PCID2: variants seen among roughly 807,000 people sequenced by gnomAD.
The protein encoded by PCID2 is PCI domain-containing protein 2.
Under a neutral mutation model 61.3 loss-of-function variants are expected in PCID2, and 41 were observed. The observed-to-expected ratio is 0.67, with a 90% CI of 0.52 to 0.87. The LOEUF (loss-of-function observed/expected upper bound fraction) is 0.87. PCID2 is among the 40% of genes least tolerant of loss of function. The pLI is 0.00. For missense variants in PCID2, 392 were observed against 493.4 expected (o/e 0.79, Z 1.95); for synonymous variants, 187 against 177.8 (o/e 1.05, Z -0.41).
rs767129015 is a variant in PCID2, at chr13:113,180,162, C to A, written c.856G>T (p.Val286Leu). The A allele has an allele frequency of 1.2e-6, 2 of 1,613,918 alleles. No homozygotes were observed. The highest frequency in any genetic ancestry group is 8.5e-7 in the Non-Finnish European group (1 of 1,179,840). ...LMQFAEVTRA[V>L]SEGNLLLLHE... ...AGGAAGGATGGCATACTCTACCTCA[C>A]AGCTCTGGTTACTTCCGCAAACTGC... The change falls in exon 11 of 14, where the codon GTG (valine) becomes TTG (leucine). Residue 286 changes from valine to leucine, a missense_variant. Coordinates refer to ENST00000337344, the MANE Select transcript of PCID2 (RefSeq NM_001127202.4).
In PCID2 at chr13:113,180,105, C is replaced by A; in HGVS notation, c.860+53G>T. 1.9e-6 allele frequency: 3 copies of A among 1,613,714 alleles called. No homozygotes were observed. In the South Asian group the frequency reaches 3.3e-5, roughly 18 times the overall value. ...TTCTCACAGAGCGTGCACGTCAACT[C>A]TCATCAGGCTTGCATTTTTAAAACC... is the stretch of plus-strand genomic sequence containing the variant. On this transcript the variant is annotated intron_variant, in intron 11 of 13. Transcript: ENST00000337344.
At chr13:113,177,449 T>C (rs890335957), downstream of PCID2, 1 of 152,228 alleles carries the variant, frequency 6.6e-6, no homozygotes, top group Non-Finnish European at 1.5e-5. Context: ...TACACTTTAT[T>C]ATAAAATAAA....
chr13:113,179,065 C>T lies in PCID2; in HGVS notation c.1011G>A (p.Gln337=), dbSNP rs773183632. The change falls in exon 13 of 14, where the codon CAG becomes CAA. Residue 337 remains glutamine, a synonymous_variant. Transcript: ENST00000337344. The surrounding 1 kb of genome is among the most constrained non-coding windows in gnomAD (Gnocchi z 4.3). ...KKVYLLLKTH[Q]LSLDAFLVAL... is the part of the protein sequence containing the mutation. ...CAACCAGAAAAGCATCCAGAGACAGCTGGTGTGTTTTCAGTAACAAATACC... is the reference window on the plus strand; with the variant it reads ...CAACCAGAAAAGCATCCAGAGACAGTTGGTGTGTTTTCAGTAACAAATACC... 2.5e-6 allele frequency: 4 copies of T among 1,613,832 alleles called. No homozygotes were observed. Among genetic ancestry groups the T allele is most frequent in the Non-Finnish European group, 3.4e-6 (4 of 1,179,796 alleles).
chr13:113,207,243 A>G (rs1014152650), intron 1 of PCID2, among the ~76,000 whole-genome samples: 1 of 152,258 alleles, frequency 6.6e-6, no homozygotes, highest in Admixed American at 6.5e-5. Flanking sequence ...TAAGCTCATC[A>G]ATGAAATATG....
At position 113,190,869 on chromosome 13, in the gene PCID2, C is replaced by T; in HGVS notation, c.467+3G>A. The T allele has an allele frequency of 6.3e-7, 1 of 1,597,484 alleles. No homozygotes were observed. Among genetic ancestry groups the T allele is most frequent in the East Asian group, 2.2e-5 (1 of 44,484 alleles). ...GGTGGTCGGTCCTCAAGTCCTTACT[C>T]ACGTGTCGCTGGCACAGACCCGGAA... On this transcript the variant is annotated splice_donor_region_variant and intron_variant, in intron 7 of 13. Transcript: ENST00000337344.
At chr13:113,208,530 G>A (rs1595312111) in intron 1 of PCID2, 69 bp downstream of exon 1, 3 of 1,577,228 alleles carry the variant, frequency 1.9e-6, no homozygotes, top group East Asian at 4.7e-5. Context: ...AGGGTCCAAG[G>A]CAGGAGGGGA....
At chr13:113,184,739 G>A (rs1486201824) in intron 8 of PCID2, among the ~76,000 whole-genome samples, 1 of 152,036 alleles carries the variant, frequency 6.6e-6, no homozygotes, top group Non-Finnish European at 1.5e-5. Flanking sequence ...AGCTGTTCCA[G>A]GGGGCGCAGC....
At chr13:113,196,245 G>A in intron 4 of PCID2, 23 bp from the exon 5 acceptor site, 2 of 1,556,772 alleles carry the variant, frequency 1.3e-6, no homozygotes, top group Non-Finnish European at 1.8e-6. Context: ...GGAAGATATG[G>A]CATACAAAGT....
intron 1 of PCID2, among the ~76,000 whole-genome samples, chr13:113,205,934 T>C (rs1429352231): frequency 2.0e-5 from 3 of 152,256 alleles, no homozygotes; most frequent in Non-Finnish European, 4.4e-5. Flanking sequence ...TTTAAAATGG[T>C]TAAATGGTAT....
Position 113,207,324 on chromosome 13 carries a change from T to TA in PCID2, c.36+1274dup, listed in dbSNP as rs113256520. Among the ~76,000 whole-genome samples, 6 of 152,324 alleles carry TA rather than the reference T, an allele frequency of 3.9e-5. 1 individual carries two copies. Among genetic ancestry groups the TA allele is most frequent in the African/African-American group, 1.4e-4 (6 of 41,574 alleles). On this transcript the variant is annotated intron_variant, in intron 1 of 13. Transcript: ENST00000337344. Reference sequence around the variant, plus strand: ...TTTTAAAAGGCTCACTTGAGTTTGTTAAAAAAATAATTAGGTATGGGGGAA... The same window carrying TA: ...TTTTAAAAGGCTCACTTGAGTTTGTTAAAAAAAATAATTAGGTATGGGGGAA...
At chr13:113,176,489 T>A, downstream of PCID2, among the ~76,000 whole-genome samples, 1 of 152,296 alleles carries the variant, frequency 6.6e-6, no homozygotes, top group Non-Finnish European at 1.5e-5. Flanking sequence ...GAGCCGGGTG[T>A]GGTGGCACAT....
In PCID2 at chr13:113,178,132, G is replaced by T; in HGVS notation, c.*66C>A. ...GGAGCCTTGTTGCAGTACCGGACCG[G>T]TCTCATCAGCACAACCAAAGTGGAA... On this transcript the variant is annotated 3_prime_UTR_variant, in exon 14 of 14. Coordinates refer to ENST00000337344, the MANE Select transcript of PCID2 (RefSeq NM_001127202.4). 8.4e-7 allele frequency: 1 copy of T among 1,197,082 alleles called. No individual in the cohort carries two copies. Among genetic ancestry groups the T allele is most frequent in the Non-Finnish European group, 1.2e-6 (1 of 806,748 alleles). 74.2% of individuals were successfully genotyped at this position (1,197,082 alleles called of 1,614,324 possible).
Position 113,208,379 on chromosome 13 carries a change from C to A in PCID2, c.36+220G>T. 3 of 1,436,542 alleles carry A rather than the reference C, an allele frequency of 2.1e-6. No individual in the cohort carries two copies. In the South Asian group the frequency reaches 4.4e-5, roughly 21 times the overall value. The allele number at this position is 1,436,542 out of a possible 1,614,324, so 89.0% of individuals were successfully genotyped here. ...GCGACGACTCCGCGATCCACGGACA[C>A]CGCCCGGCCCCCACGGCGGCCCTGC... On this transcript the variant is annotated intron_variant, in intron 1 of 13. Coordinates refer to ENST00000337344, the MANE Select transcript of PCID2 (RefSeq NM_001127202.4).
Position 113,208,043 on chromosome 13 carries a change from G to C in PCID2, c.36+556C>G, listed in dbSNP as rs746947556. 4.3e-6 allele frequency: 7 copies of C among 1,612,708 alleles called. No homozygotes were observed. In the African/African-American group the frequency reaches 5.3e-5, roughly 12 times the overall value. Reference sequence around the variant, plus strand: ...ACTTACAAGCTGTTGAACAACATCTGTCAGACGCATGTACCGAGCGATATG... The same window carrying C: ...ACTTACAAGCTGTTGAACAACATCTCTCAGACGCATGTACCGAGCGATATG... On this transcript the variant is annotated intron_variant, in intron 1 of 13. Coordinates refer to ENST00000337344, the MANE Select transcript of PCID2 (RefSeq NM_001127202.4).
intron 2 of PCID2, among the ~76,000 whole-genome samples, chr13:113,199,544 G>A (rs758590122): frequency 2.0e-5 from 3 of 152,142 alleles, no homozygotes; most frequent in Non-Finnish European, 2.9e-5. Flanking sequence ...TGAAACCACC[G>A]AAAGAAAGTT....
chr13:113,185,249 G>A (rs2038004482), intron 8 of PCID2, among the ~76,000 whole-genome samples: 1 of 152,242 alleles, frequency 6.6e-6, no homozygotes, highest in Non-Finnish European at 1.5e-5. Flanking sequence ...TTCCTCTGGG[G>A]CTGGGAGCGC....
At chr13:113,194,728 G>T (rs967485541) in intron 6 of PCID2, among the ~76,000 whole-genome samples, 1 of 152,124 alleles carries the variant, frequency 6.6e-6, no homozygotes, top group Non-Finnish European at 1.5e-5. Context: ...ATTCTTTTTG[G>T]TGGGGGAGCA....
At position 113,178,167 on chromosome 13, in the gene PCID2, T is replaced by C; in HGVS notation, c.*31A>G. 1.3e-6 allele frequency: 2 copies of C among 1,545,246 alleles called. No homozygotes were observed. Among genetic ancestry groups the C allele is most frequent in the South Asian group, 1.1e-5 (1 of 89,632 alleles). Reference sequence around the variant, plus strand: ...CACAACCAAAGTGGAAAGAAACAACTGCTCACCCGTCCTCGGGGCTCCGTG... The same window carrying C: ...CACAACCAAAGTGGAAAGAAACAACCGCTCACCCGTCCTCGGGGCTCCGTG... On this transcript the variant is annotated 3_prime_UTR_variant, in exon 14 of 14. Transcript: ENST00000337344.
the PCID2 span, chr13:113,165,148 A>G: frequency 1.9e-6 from 3 of 1,589,880 alleles, no homozygotes; most frequent in East Asian, 2.2e-5. Context: ...GCGTGCTTCA[A>G]TTTATTGTTA....
Sources: gnomAD v4.1 joint callset for allele counts (sites outside exome capture counted in the v4.1 genomes callset) on GRCh38, gnomAD v4.1.1 for gene constraint, Gnocchi (gnomAD v3.1) non-coding constraint, MANE v1.5 for transcripts, NCBI Gene and HGNC (gene_info 2026-07-23, HGNC 2026-07-21) for gene names.